The following TAPT1 variants were observed in gnomAD, a reference collection of about 807,000 sequenced individuals.
TAPT1 encodes transmembrane anterior posterior transformation protein 1 homolog.
TAPT1 carries 28 observed loss-of-function variants against 65.6 expected under a neutral mutation model. That is an observed-to-expected ratio of 0.43 (90% CI 0.32 to 0.59). The LOEUF (loss-of-function observed/expected upper bound fraction) is 0.59. TAPT1 is among the 20% of genes least tolerant of loss of function. The pLI, the probability that TAPT1 is intolerant of heterozygous loss-of-function variation, is 0.09. For missense variants in TAPT1, 563 were observed against 679.9 expected, an observed-to-expected ratio of 0.83 and a Z score of 1.91; for synonymous variants, 278 against 245.2, an observed-to-expected ratio of 1.13 and a Z score of -1.25.
chr4:16,183,102 T>G (rs1247452497), intron 7 of TAPT1: 2 of 152,196 alleles, frequency 1.3e-5, no homozygotes. Context: ...AGGCAACATA[T>G]TCATATAAAG....
chr4:16,166,621 G>A lies in TAPT1; in HGVS notation c.1474+12C>T. On this transcript the variant is annotated intron_variant, in intron 13 of 13. Transcript: ENST00000405303. ...AATGATCCAGGGAAGTGAAGAAAGG[G>A]ACCAAACCTACCTTGAGAGGGTTTA... 6.2e-7 allele frequency: 1 copy of A among 1,612,232 alleles called. No individual in the cohort carries two copies. Among genetic ancestry groups the A allele is most frequent in the South Asian group, 1.1e-5 (1 of 91,036 alleles).
At chr4:16,195,914 A>G (rs900106048) in intron 3 of TAPT1, among the ~76,000 whole-genome samples, 28 of 152,258 alleles carry the variant, frequency 1.8e-4, no homozygotes, top group African/African-American at 5.8e-4. Context: ...GAATCCCTGC[A>G]TAGTTATTTC....
intron 1 of TAPT1, among the ~76,000 whole-genome samples, chr4:16,215,378 T>C (rs979455134): frequency 1.3e-4 from 20 of 152,148 alleles, no homozygotes; most frequent in African/African-American, 2.9e-4. Flanking sequence ...TTTTAAACAA[T>C]AGGTCTACAA....
At chr4:16,217,173 G>A (rs1018833486) in intron 1 of TAPT1, among the ~76,000 whole-genome samples, 5 of 152,062 alleles carry the variant, frequency 3.3e-5, no homozygotes, top group Admixed American at 2.6e-4. Flanking sequence ...TCCCCTACTC[G>A]GCTTCCACAG....
chr4:16,220,191 G>C (rs555757813), intron 1 of TAPT1, among the ~76,000 whole-genome samples: 140 of 152,274 alleles, frequency 9.2e-4, no homozygotes, highest in African/African-American at 3.2e-3. Flanking sequence ...TTTGGCTACA[G>C]TTGACTGGTT....
chr4:16,222,015 T>C (rs992251335), intron 1 of TAPT1, among the ~76,000 whole-genome samples: 1 of 152,226 alleles, frequency 6.6e-6, no homozygotes, highest in Non-Finnish European at 1.5e-5. Context: ...GTAGAATATT[T>C]ACACATGTAT....
In TAPT1 at chr4:16,161,854, A is replaced by AT. The variant is rs1195881469; in HGVS notation, c.*1453dup. ...ATCACCTAAAAATTGCTTTCTGCCT[A>AT]TGTATGTACGCCTGAAACATTTGCA... On this transcript the variant is annotated 3_prime_UTR_variant, in exon 14 of 14. Coordinates refer to ENST00000405303, the MANE Select transcript of TAPT1 (RefSeq NM_153365.3). 6 of 152,202 alleles carry AT rather than the reference A, an allele frequency of 3.9e-5. No individual in the cohort carries two copies. The highest frequency in any genetic ancestry group is 8.8e-5 in the Non-Finnish European group (6 of 68,044). 9.4% of individuals were successfully genotyped at this position (152,202 alleles called of 1,614,324 possible).
rs73798871 is a variant in TAPT1, at chr4:16,202,770, C to T, written c.331-190G>A. On this transcript the variant is annotated intron_variant, in intron 2 of 13. Transcript: ENST00000405303. The stretch of plus-strand genomic sequence containing the variant: ...GTGCTTCCTCAGAGCCTTTGGTTTA[C>T]GACTCACAAAAGAAATTACTCAAAA... Among the ~76,000 whole-genome samples, 17,405 of 152,104 alleles carry T rather than the reference C, an allele frequency of 0.11. 3,203 individuals are homozygous for T. Among genetic ancestry groups the T allele is most frequent in the African/African-American group, 0.39 (16,025 of 41,426 alleles).
upstream of TAPT1, chr4:16,227,210 A>G (rs1751642297): frequency 2.2e-6 from 1 of 455,264 alleles, no homozygotes; most frequent in Admixed American, 2.4e-5. Context: ...CCGCGGCCGG[A>G]CCGGCAGAGT....
intron 1 of TAPT1, among the ~76,000 whole-genome samples, chr4:16,214,186 G>A (rs1324873734): frequency 6.6e-6 from 1 of 152,184 alleles, no homozygotes; most frequent in Non-Finnish European, 1.5e-5. Context: ...GTTCTTACAG[G>A]TGATACAGTA....
intron 2 of TAPT1, among the ~76,000 whole-genome samples, chr4:16,203,891 C>T (rs1750186199): frequency 6.6e-6 from 1 of 152,112 alleles, no homozygotes; most frequent in South Asian, 2.1e-4. Flanking sequence ...TGCCAGATTT[C>T]TTAATCTGAA....
chr4:16,211,313 G>C (rs1459512128), intron 2 of TAPT1, among the ~76,000 whole-genome samples: 1 of 152,036 alleles, frequency 6.6e-6, no homozygotes, highest in Non-Finnish European at 1.5e-5. Context: ...AGGTTATCTT[G>C]CATGTCTAGA....
At chr4:16,164,226 A>ATGG (rs1747432618) in intron 13 of TAPT1, among the ~76,000 whole-genome samples, 1 of 152,148 alleles carries the variant, frequency 6.6e-6, no homozygotes, top group Non-Finnish European at 1.5e-5. Flanking sequence ...ATGTGCATAC[A>ATGG]CCTGGTCACA....
chr4:16,178,463 T>A (rs1748491506), intron 8 of TAPT1, among the ~76,000 whole-genome samples: 1 of 152,200 alleles, frequency 6.6e-6, no homozygotes, highest in Non-Finnish European at 1.5e-5. Context: ...ATCCAAAACA[T>A]GGTTGCATCC....
intron 1 of TAPT1, among the ~76,000 whole-genome samples, chr4:16,221,154 C>T (rs564851670): frequency 1.4e-4 from 21 of 151,836 alleles, no homozygotes; most frequent in Admixed American, 8.5e-4. Flanking sequence ...TGCTCTGTCA[C>T]CTGTTGCCCA....
At chr4:16,203,459 G>C (rs1260774859) in intron 2 of TAPT1, among the ~76,000 whole-genome samples, 1 of 152,104 alleles carries the variant, frequency 6.6e-6, no homozygotes. Flanking sequence ...TCTTTAAAGA[G>C]GTAATTTAAG....
At chr4:16,209,784 A>C (rs1750555082) in intron 2 of TAPT1, among the ~76,000 whole-genome samples, 1 of 152,230 alleles carries the variant, frequency 6.6e-6, no homozygotes, top group Non-Finnish European at 1.5e-5. Flanking sequence ...TGTTGAATGG[A>C]TTGAACGCAA....
intron 4 of TAPT1, 103 bp from the exon 5 acceptor site, chr4:16,188,458 CTAG>C (rs1212100868): frequency 2.2e-6 from 2 of 916,316 alleles, no homozygotes; most frequent in South Asian, 2.4e-5. Context: ...GTTTTAAATC[CTAG>C]TAGAAGGCAA....
intron 9 of TAPT1, among the ~76,000 whole-genome samples, chr4:16,175,217 G>A (rs985726113): frequency 1.3e-5 from 2 of 152,106 alleles, no homozygotes; most frequent in Non-Finnish European, 2.9e-5. Flanking sequence ...AAGTGCACAA[G>A]TGTCTCAATC....
Sources: allele counts gnomAD v4.1 joint callset (sites outside exome capture counted in the v4.1 genomes callset), GRCh38; gene constraint gnomAD v4.1.1; transcripts MANE v1.5; gene names NCBI Gene and HGNC (gene_info 2026-07-23, HGNC 2026-07-21).